Variants in SGCZ observed in about 807,000 individuals in gnomAD.
The protein encoded by SGCZ is zeta-sarcoglycan.
A neutral mutation model predicts 41.3 loss-of-function variants in SGCZ; 40 were observed. The ratio of observed to expected loss-of-function variants is 0.97; its 90% confidence interval spans 0.75 to 1.26. The LOEUF (loss-of-function observed/expected upper bound fraction) is 1.26, where lower values mean the gene tolerates loss of function less well. Among genes scored for constraint, SGCZ ranks in the 50% most tolerant of loss-of-function variants. The pLI, the probability that SGCZ is intolerant of heterozygous loss-of-function variation, is 0.00. For missense variants in SGCZ, 552 were observed against 369.8 expected (o/e 1.49, Z -4.04); for synonymous variants, 206 against 137.5 (o/e 1.50, Z -3.49).
At chr8:14,966,587 G>C (rs908349076) in intron 1 of SGCZ, among the ~76,000 whole-genome samples, 1 of 151,936 alleles carries the variant, frequency 6.6e-6, no homozygotes, top group Admixed American at 6.6e-5. Context: ...TTTTACTAAT[G>C]CCATATTTAC....
At chr8:14,752,334 A>G (rs1420308590) in intron 1 of SGCZ, among the ~76,000 whole-genome samples, 1 of 152,168 alleles carries the variant, frequency 6.6e-6, no homozygotes, top group Non-Finnish European at 1.5e-5. Context: ...GCAATTAGAA[A>G]TATCTCTTAA....
At position 14,515,314 on chromosome 8, in the gene SGCZ, T is replaced by G. The variant is rs890173165; in HGVS notation, c.234+39418A>C. Among the ~76,000 whole-genome samples, 10 of 152,140 alleles carry G rather than the reference T, an allele frequency of 6.6e-5. No individual in the cohort carries two copies. In the East Asian group the frequency reaches 1.9e-3, roughly 29 times the overall value. On this transcript the variant is annotated intron_variant, in intron 2 of 7. Coordinates refer to ENST00000382080, the MANE Select transcript of SGCZ (RefSeq NM_139167.4). ...TTTTGCCTCAGAGGTTTTCAGATAC[T>G]ATCCTGTAAGTCACAACATTTATAG...
chr8:14,923,668 A>T (rs953910209), intron 1 of SGCZ, among the ~76,000 whole-genome samples: 5 of 152,246 alleles, frequency 3.3e-5, no homozygotes, highest in African/African-American at 1.2e-4. Flanking sequence ...ATAAAGTTGC[A>T]TGGAATTTAT....
intron 2 of SGCZ, among the ~76,000 whole-genome samples, chr8:14,473,613 A>G (rs1410229641): frequency 6.6e-6 from 1 of 152,134 alleles, no homozygotes; most frequent in Non-Finnish European, 1.5e-5. Flanking sequence ...AAATGAATAG[A>G]ACTGAAATCT....
chr8:14,322,237 G>A (rs1382774132), intron 3 of SGCZ, among the ~76,000 whole-genome samples: 1 of 152,110 alleles, frequency 6.6e-6, no homozygotes, highest in Non-Finnish European at 1.5e-5. Context: ...CAATGTGCCT[G>A]CCCATGCTTC....
intron 1 of SGCZ, among the ~76,000 whole-genome samples, chr8:15,071,167 G>A (rs1805337432): frequency 6.6e-6 from 1 of 152,098 alleles, no homozygotes; most frequent in Non-Finnish European, 1.5e-5. Context: ...TAGTAATGTG[G>A]CTTAGGCTTT....
intron 1 of SGCZ, among the ~76,000 whole-genome samples, chr8:15,104,407 GA>G (rs1222369984): frequency 1.3e-5 from 2 of 151,982 alleles, no homozygotes; most frequent in Non-Finnish European, 2.9e-5. Flanking sequence ...ACCACACAAG[GA>G]AAAAACATTT....
intron 1 of SGCZ, among the ~76,000 whole-genome samples, chr8:15,218,620 G>C (rs1420122338): frequency 6.6e-6 from 1 of 152,148 alleles, no homozygotes; most frequent in East Asian, 1.9e-4. Context: ...CTTGCAGCCA[G>C]TTTATCAGCT....
intron 5 of SGCZ, among the ~76,000 whole-genome samples, chr8:14,120,854 C>T (rs913609545): frequency 6.6e-6 from 1 of 152,008 alleles, no homozygotes; most frequent in Admixed American, 6.5e-5. Context: ...AATAATTTTA[C>T]CAAAAACTTT....
intron 1 of SGCZ, among the ~76,000 whole-genome samples, chr8:15,120,936 G>A (rs1305138691): frequency 6.6e-6 from 1 of 152,130 alleles, no homozygotes; most frequent in Non-Finnish European, 1.5e-5. Context: ...GCCTTCTTTG[G>A]TATCTAATCA....
At chr8:14,304,662 AC>A (rs1192544724) in intron 3 of SGCZ, among the ~76,000 whole-genome samples, 11 of 152,230 alleles carry the variant, frequency 7.2e-5, no homozygotes, top group African/African-American at 2.7e-4. Context: ...ATGTAGCTTT[AC>A]ATGCCATAGC....
At chr8:14,381,973 T>C (rs1027985738) in intron 2 of SGCZ, among the ~76,000 whole-genome samples, 4 of 152,202 alleles carry the variant, frequency 2.6e-5, no homozygotes, top group Non-Finnish European at 4.4e-5. Context: ...TAGTTCCTTG[T>C]TGGTCAAATT....
intron 1 of SGCZ, among the ~76,000 whole-genome samples, chr8:14,868,815 A>C (rs945847587): frequency 9.9e-5 from 15 of 152,208 alleles, no homozygotes; most frequent in Admixed American, 2.6e-4. Flanking sequence ...AAACACCTCT[A>C]CGCAAATAAA....
At chr8:14,639,443 G>T (rs1355888143) in intron 1 of SGCZ, among the ~76,000 whole-genome samples, 4 of 151,592 alleles carry the variant, frequency 2.6e-5, no homozygotes, top group African/African-American at 9.7e-5. Flanking sequence ...ACTTCATAAA[G>T]ATATTAGGAA....
chr8:14,878,497 T>A (rs1804455049), intron 1 of SGCZ, among the ~76,000 whole-genome samples: 1 of 152,194 alleles, frequency 6.6e-6, no homozygotes, highest in Non-Finnish European at 1.5e-5. Flanking sequence ...GCCCTTGGCC[T>A]GTCTTTTCTG....
At chr8:14,112,055 G>C (rs1229481774) in intron 5 of SGCZ, among the ~76,000 whole-genome samples, 2 of 152,028 alleles carry the variant, frequency 1.3e-5, no homozygotes, top group African/African-American at 2.4e-5. Flanking sequence ...AGAAGTCACT[G>C]GTCCCAGAAG....
At chr8:14,776,126 A>G (rs1800393694) in intron 1 of SGCZ, among the ~76,000 whole-genome samples, 1 of 152,224 alleles carries the variant, frequency 6.6e-6, no homozygotes, top group Non-Finnish European at 1.5e-5. Flanking sequence ...ATTTTATAGA[A>G]TTTAAAATGT....
At chr8:14,815,976 T>C (rs530539786) in intron 1 of SGCZ, among the ~76,000 whole-genome samples, 52 of 152,334 alleles carry the variant, frequency 3.4e-4, no homozygotes, top group African/African-American at 1.3e-3. Context: ...ATGTGAGCCA[T>C]TATACAATTT....
intron 5 of SGCZ, among the ~76,000 whole-genome samples, chr8:14,133,705 G>GACTC (rs1803110713): frequency 6.6e-6 from 1 of 151,850 alleles, no homozygotes; most frequent in Non-Finnish European, 1.5e-5. Flanking sequence ...GTAAACCTTT[G>GACTC]ACTCTTTTTC....
Sources: gnomAD v4.1 joint callset for allele counts (sites outside exome capture counted in the v4.1 genomes callset) on GRCh38, gnomAD v4.1.1 for gene constraint, MANE v1.5 for transcripts, NCBI Gene and HGNC (gene_info 2026-07-23, HGNC 2026-07-21) for gene names.